Variants in SCN10A observed in about 807,000 individuals in gnomAD.
SCN10A encodes the protein sodium voltage-gated channel alpha subunit 10, also known as sodium channel protein type 10 subunit alpha.
In SCN10A, 162 loss-of-function variants were observed where a neutral mutation model predicts 170.7. That is an observed-to-expected ratio of 0.95 (90% confidence interval 0.84 to 1.08). The LOEUF (loss-of-function observed/expected upper bound fraction) is 1.08. Among genes scored for constraint, SCN10A ranks in the 50% least tolerant of loss-of-function variants. The pLI, the probability that SCN10A is intolerant of heterozygous loss-of-function variation, is 0.00. For missense variants in SCN10A, 2,527 were observed against 2,436.9 expected, an observed-to-expected ratio of 1.04 and a Z score of -0.78; for synonymous variants, 985 against 904.6, an observed-to-expected ratio of 1.09 and a Z score of -1.59.
intron 25 of SCN10A, among the ~76,000 whole-genome samples, chr3:38,707,630 G>A (rs1370097594): frequency 6.6e-6 from 1 of 152,184 alleles, no homozygotes; most frequent in Non-Finnish European, 1.5e-5. Context: ...ATCCAGAGAT[G>A]CTGGATAAAG....
At chr3:38,791,299 C>T (rs892130459) in intron 3 of SCN10A, among the ~76,000 whole-genome samples, 4 of 152,144 alleles carry the variant, frequency 2.6e-5, no homozygotes, top group African/African-American at 9.7e-5. Flanking sequence ...TCTTAGGAAA[C>T]CAAACCAAAG....
intron 15 of SCN10A, among the ~76,000 whole-genome samples, chr3:38,734,732 G>C: frequency 6.6e-6 from 1 of 152,150 alleles, no homozygotes. Flanking sequence ...ATTGTTAGAG[G>C]TGGTGAAATA....
chr3:38,781,824 C>G (rs11926158), intron 4 of SCN10A, among the ~76,000 whole-genome samples: 98,310 of 151,968 alleles, frequency 0.65, 32,093 homozygotes, highest in Admixed American at 0.77. Context: ...TATTTGGCAT[C>G]TCTTATTTGC....
At chr3:38,803,331 C>G (rs1311780130) in intron 1 of SCN10A, among the ~76,000 whole-genome samples, 9 of 152,090 alleles carry the variant, frequency 5.9e-5, no homozygotes, top group Non-Finnish European at 1.3e-4. Context: ...AATCATGCTG[C>G]TATAAAGACA....
At chr3:38,803,452 A>G (rs1440264221) in intron 1 of SCN10A, among the ~76,000 whole-genome samples, 5 of 152,176 alleles carry the variant, frequency 3.3e-5, no homozygotes, top group Non-Finnish European at 7.3e-5. Context: ...CATATACACC[A>G]CAGAATACTA....
chr3:38,756,560 T>A (rs567879125), intron 10 of SCN10A, 114 bp downstream of exon 10: 3 of 828,824 alleles, frequency 3.6e-6, no homozygotes, highest in Non-Finnish European at 5.9e-6. Context: ...TGAGGCAAGA[T>A]GATTCCTCCT....
At chr3:38,749,355 C>T (rs1418096858) in intron 13 of SCN10A, among the ~76,000 whole-genome samples, 2 of 152,178 alleles carry the variant, frequency 1.3e-5, no homozygotes, top group African/African-American at 2.4e-5. Context: ...GTTGCATTCT[C>T]CATACCCTAA....
intron 24 of SCN10A, among the ~76,000 whole-genome samples, chr3:38,710,130 C>A (rs1446054892): frequency 6.6e-6 from 1 of 152,016 alleles, no homozygotes; most frequent in Non-Finnish European, 1.5e-5. Flanking sequence ...GGTCATTCCC[C>A]AATAGTGTCT....
chr3:38,772,464 C>A (rs2064015286), intron 4 of SCN10A, among the ~76,000 whole-genome samples: 1 of 152,066 alleles, frequency 6.6e-6, no homozygotes, highest in African/African-American at 2.4e-5. Context: ...CCGAGGCGGG[C>A]AGATTACGAG....
chr3:38,725,525 T>A (rs1165588171), intron 17 of SCN10A, among the ~76,000 whole-genome samples: 1 of 152,264 alleles, frequency 6.6e-6, no homozygotes, highest in Non-Finnish European at 1.5e-5. Flanking sequence ...CCATTAATTA[T>A]AAGATGTGTG....
Position 38,746,100 on chromosome 3 carries a change from T to TATATATATAG in SCN10A, c.1868-3572_1868-3571insCTATATATAT, listed in dbSNP as rs71085336. ...ATATATATATATATATATATATATA[T>TATATATATAG]GCCATCTTTGTCATCTAAGTTCTAG... is the stretch of plus-strand genomic sequence containing the variant. On this transcript the variant is annotated intron_variant, in intron 13 of 27. Coordinates refer to ENST00000449082, the MANE Select transcript of SCN10A (RefSeq NM_006514.4). 3.8e-3 allele frequency among the ~76,000 whole-genome samples: 383 copies of TATATATATAG among 99,796 alleles called. 23 individuals carry two copies. Among genetic ancestry groups the TATATATATAG allele is most frequent in the African/African-American group, 5.2e-3 (144 of 27,742 alleles). 65.5% of individuals were successfully genotyped at this position (99,796 alleles called of 152,430 possible).
At chr3:38,755,588 T>C (rs1180383564) in intron 11 of SCN10A, among the ~76,000 whole-genome samples, 200 bp downstream of exon 11, 1 of 152,118 alleles carries the variant, frequency 6.6e-6, no homozygotes, top group Non-Finnish European at 1.5e-5. Flanking sequence ...TTCCCTAAGG[T>C]GTCCTTATAA....
At chr3:38,730,840 GA>G (rs913029914) in intron 15 of SCN10A, among the ~76,000 whole-genome samples, 1 of 152,014 alleles carries the variant, frequency 6.6e-6, no homozygotes, top group African/African-American at 2.4e-5. Context: ...GACATAAGAT[GA>G]AAAATAACAA....
intron 1 of SCN10A, among the ~76,000 whole-genome samples, chr3:38,804,966 G>A (rs1044131599): frequency 6.6e-6 from 1 of 152,136 alleles, no homozygotes; most frequent in Non-Finnish European, 1.5e-5. Context: ...TCTAGTTGTG[G>A]GAATGATTTT....
intron 8 of SCN10A, among the ~76,000 whole-genome samples, chr3:38,759,916 G>C (rs542077418): frequency 5.1e-4 from 77 of 152,332 alleles, no homozygotes; most frequent in African/African-American, 1.8e-3. Flanking sequence ...TGCAAAGTCT[G>C]ATACATGTGT....
chr3:38,747,970 C>A (rs2063709004), intron 13 of SCN10A, among the ~76,000 whole-genome samples: 1 of 152,114 alleles, frequency 6.6e-6, no homozygotes, highest in Non-Finnish European at 1.5e-5. Flanking sequence ...TGAGCGCAAG[C>A]TTATATCAGT....
chr3:38,739,566 C>G lies in SCN10A; in HGVS notation c.2229G>C (p.Glu743Asp). 2 of 1,614,214 alleles carry G rather than the reference C, an allele frequency of 1.2e-6. No individual in the cohort carries two copies. The highest frequency in any genetic ancestry group is 1.7e-6 in the Non-Finnish European group (2 of 1,180,032). ...DCIIVTVSLLELGVAKKGSLS... is the reference protein window; with the variant it reads ...DCIIVTVSLLDLGVAKKGSLS... ...GGCTTCCCTTCTTGGCCACGCCCAG[C>G]TCTAGCAGACTCACAGTGACGATGA... Residue 743 changes from glutamate (E) to aspartate (D), a missense_variant, in exon 15 of 28, where the codon GAG (glutamate) becomes GAC (aspartate). Physicochemically the swap from Glu to Asp is conservative, Grantham distance 45. Coordinates refer to ENST00000449082, the MANE Select transcript of SCN10A (RefSeq NM_006514.4).
At chr3:38,800,503 A>G (rs910968092) in intron 1 of SCN10A, among the ~76,000 whole-genome samples, 4 of 152,178 alleles carry the variant, frequency 2.6e-5, no homozygotes, top group Non-Finnish European at 5.9e-5. Context: ...TGAAGCCATG[A>G]TCTACTCCCA....
intron 1 of SCN10A, among the ~76,000 whole-genome samples, chr3:38,811,932 C>G (rs948868118): frequency 1.3e-5 from 2 of 152,156 alleles, no homozygotes; most frequent in African/African-American, 4.8e-5. Flanking sequence ...GCGGGCCAAC[C>G]AGGATGTCCC....
Sources: allele counts gnomAD v4.1 joint callset (sites outside exome capture counted in the v4.1 genomes callset), GRCh38; gene constraint gnomAD v4.1.1; transcripts MANE v1.5; gene names NCBI Gene and HGNC (gene_info 2026-07-23, HGNC 2026-07-21).